The following PCGF5 variants were observed in gnomAD, a reference collection of about 807,000 sequenced individuals.
PCGF5 encodes polycomb group ring finger 5.
PCGF5 carries 9 observed loss-of-function variants against 44.3 expected under a neutral mutation model. The ratio of observed to expected loss-of-function variants is 0.20; its 90% CI spans 0.12 to 0.35. PCGF5 has a LOEUF of 0.35. Ranked by LOEUF, PCGF5 falls within the 10% of genes least tolerant of loss-of-function variation. PCGF5 has a pLI of 1.00. For synonymous variants in PCGF5, 95 were observed against 102.5 expected (o/e 0.93, Z 0.44); for missense variants, 146 against 305.3 (o/e 0.48, Z 3.89).
At chr10:91,211,710 G>A (rs971535151) in intron 1 of PCGF5, among the ~76,000 whole-genome samples, 1 of 152,172 alleles carries the variant, frequency 6.6e-6, no homozygotes, top group Non-Finnish European at 1.5e-5. Flanking sequence ...GAGGAGGAGG[G>A]AGAGCATTCC....
At position 91,282,127 on chromosome 10, in the gene PCGF5, A is replaced by G. The variant is rs1278150446; in HGVS notation, c.*3811A>G. The G allele has an allele frequency of 2.0e-5, 3 of 152,228 alleles. No individual in the cohort carries two copies. The highest frequency in any genetic ancestry group is 2.9e-5 in the Non-Finnish European group (2 of 68,040). The allele number at this position is 152,228 out of a possible 1,614,324, so 9.4% of individuals were successfully genotyped here. ...AAAGACTTCATTCTATGGGATTTAT[A>G]TAAGTAAGTGCTTTCTCTATATTCA... On this transcript the variant is annotated 3_prime_UTR_variant, in exon 10 of 10. Coordinates refer to ENST00000336126, the MANE Select transcript of PCGF5 (RefSeq NM_032373.5).
intron 5 of PCGF5, 142 bp from the exon 6 acceptor site, chr10:91,251,149 AT>A: frequency 1.9e-6 from 1 of 536,376 alleles, no homozygotes; most frequent in South Asian, 3.2e-5. Flanking sequence ...TGGTTGGAAC[AT>A]TTTAAAGATA....
Position 91,261,421 on chromosome 10 carries a change from T to C in PCGF5, c.570T>C (p.Tyr190=), listed in dbSNP as rs985296094. The C allele has an allele frequency of 3.4e-6, 5 of 1,453,638 alleles. No homozygotes were observed. Among genetic ancestry groups the C allele is most frequent in the Non-Finnish European group, 4.6e-6 (5 of 1,084,952 alleles). 90.0% of individuals were successfully genotyped at this position (1,453,638 alleles called of 1,614,324 possible). ...TAAAACTAAAACTTCCAAGTTCTTA[T>C]GAGGTAAGTTAAATAATATCTAAGC... ...LSLKLKLPSS[Y]ELDVLCNGEI... Residue 190 remains tyrosine (Y), a synonymous_variant, in exon 7 of 10, where the codon TAT becomes TAC. Coordinates refer to ENST00000336126, the MANE Select transcript of PCGF5 (RefSeq NM_032373.5).
chr10:91,158,903 A>G (rs769545220), upstream of PCGF5, among the ~76,000 whole-genome samples: 16 of 152,232 alleles, frequency 1.1e-4, no homozygotes, highest in Non-Finnish European at 1.6e-4. Context: ...CTTGTAACCT[A>G]AACAGTTGAC....
At chr10:91,168,580 G>A (rs544182272) in intron 1 of PCGF5, among the ~76,000 whole-genome samples, 42 of 152,198 alleles carry the variant, frequency 2.8e-4, no homozygotes, top group Admixed American at 1.1e-3. Flanking sequence ...TCAGAGACTA[G>A]GGATAGGGAG....
upstream of PCGF5, among the ~76,000 whole-genome samples, chr10:91,160,713 C>T (rs1843368472): frequency 6.6e-6 from 1 of 151,802 alleles, no homozygotes. Context: ...CAAGACGAGA[C>T]AGAAAAAAGA....
upstream of PCGF5, among the ~76,000 whole-genome samples, chr10:91,215,476 C>T (rs1178859466): frequency 1.3e-5 from 2 of 152,222 alleles, no homozygotes; most frequent in Non-Finnish European, 2.9e-5. Flanking sequence ...AAACATACGT[C>T]CTTCTCCTTA....
chr10:91,163,638 C>A (rs981022327), intron 1 of PCGF5, among the ~76,000 whole-genome samples: 4 of 152,110 alleles, frequency 2.6e-5, no homozygotes, highest in Non-Finnish European at 4.4e-5. Context: ...CTCCCGGCTG[C>A]GCGCGTCGCT....
rs12783854 is a variant in PCGF5 at position 91,272,482 on chromosome 10, A to T, written c.723+785A>T. Reference sequence around the variant, plus strand: ...CAATATAGCAAGACAAAAAAAAATTATTTTTTTAGGCCAGACACGGTGGCT... The same window carrying T: ...CAATATAGCAAGACAAAAAAAAATTTTTTTTTTAGGCCAGACACGGTGGCT... On this transcript the variant is annotated intron_variant, in intron 9 of 9. Transcript: ENST00000336126. Among the ~76,000 whole-genome samples, 425 of 117,994 alleles carry T rather than the reference A, an allele frequency of 3.6e-3. 4 individuals are homozygous for T. Among genetic ancestry groups the T allele is most frequent in the African/African-American group, 0.018 (356 of 19,978 alleles). The allele number at this position is 117,994 out of a possible 152,430, so 77.4% of individuals were successfully genotyped here. A position where few individuals can be genotyped will look rare whatever the true frequency, so the allele number is the denominator to read the frequency against.
At chr10:91,253,288 G>A (rs2454532) in intron 6 of PCGF5, among the ~76,000 whole-genome samples, 76,496 of 151,704 alleles carry the variant, frequency 0.5, 21,892 homozygotes, top group African/African-American at 0.79. Context: ...CCAGGTAATA[G>A]GCATAATAGT....
upstream of PCGF5, among the ~76,000 whole-genome samples, chr10:91,159,172 T>C (rs774163135): frequency 5.3e-5 from 8 of 152,180 alleles, no homozygotes; most frequent in Non-Finnish European, 8.8e-5. Context: ...GCAGGGAACA[T>C]ACAATTAGGG....
intron 3 of PCGF5, among the ~76,000 whole-genome samples, chr10:91,242,936 C>G (rs1564646638): frequency 6.6e-6 from 1 of 152,088 alleles, no homozygotes; most frequent in Non-Finnish European, 1.5e-5. Flanking sequence ...TTATAGAGAT[C>G]TTTTCCTCCT....
At position 91,279,523 on chromosome 10, in the gene PCGF5, A is replaced by G. The variant is rs147972947; in HGVS notation, c.*1207A>G. ...AGATCAGAAATACAAAATGTCCTGT[A>G]TTTTGCAGTTTTGTTAAGTCTTCCA... On this transcript the variant is annotated 3_prime_UTR_variant, in exon 10 of 10. Transcript: ENST00000336126. The G allele has an allele frequency of 4.6e-5, 7 of 152,230 alleles. No homozygotes were observed. The highest frequency in any genetic ancestry group is 1.4e-4 in the African/African-American group (6 of 41,588). The allele number at this position is 152,230 out of a possible 1,614,324, so 9.4% of individuals were successfully genotyped here.
At chr10:91,273,707 A>G (rs982123574) in intron 9 of PCGF5, among the ~76,000 whole-genome samples, 3 of 152,124 alleles carry the variant, frequency 2.0e-5, no homozygotes, top group Non-Finnish European at 4.4e-5. Flanking sequence ...CATTCTTAAT[A>G]GCAAAAACTG....
intron 2 of PCGF5, chr10:91,227,344 A>T: frequency 8.9e-7 from 1 of 1,118,994 alleles, no homozygotes; most frequent in South Asian, 1.3e-5. Context: ...TAGCTGCAGA[A>T]TCCTACTGGA....
In PCGF5 at chr10:91,278,617, G is replaced by T. The variant is rs1406235122; in HGVS notation, c.*301G>T. On this transcript the variant is annotated 3_prime_UTR_variant, in exon 10 of 10. Transcript: ENST00000336126. ...ATTCACCCTTCTGAATATTTTGCTT[G>T]CCTGTTCCAAGATTGTTCTAATGTT... is the stretch of plus-strand genomic sequence containing the variant. The T allele has an allele frequency of 2.1e-5, 7 of 340,992 alleles. No homozygotes were observed. The highest frequency in any genetic ancestry group is 3.7e-5 in the Non-Finnish European group (7 of 187,690). 21.1% of individuals were successfully genotyped at this position (340,992 alleles called of 1,614,324 possible).
chr10:91,177,918 A>G (rs575223271), intron 1 of PCGF5, among the ~76,000 whole-genome samples: 1 of 130,812 alleles, frequency 7.6e-6, no homozygotes, highest in Admixed American at 7.0e-5. Flanking sequence ...GCACCCACTG[A>G]CCTGCACCCA....
intron 1 of PCGF5, among the ~76,000 whole-genome samples, chr10:91,207,634 C>T (rs1844371349): frequency 6.6e-6 from 1 of 152,124 alleles, no homozygotes; most frequent in Non-Finnish European, 1.5e-5. Context: ...AATGAAGTCC[C>T]AATTCAGTAA....
intron 5 of PCGF5, among the ~76,000 whole-genome samples, chr10:91,250,596 C>T (rs1311510947): frequency 6.6e-6 from 1 of 150,614 alleles, no homozygotes; most frequent in Non-Finnish European, 1.5e-5. Flanking sequence ...TCCCTCAGGC[C>T]TTGTATGATG....
Sources: allele counts gnomAD v4.1 joint callset (sites outside exome capture counted in the v4.1 genomes callset), GRCh38; gene constraint gnomAD v4.1.1; transcripts MANE v1.5; gene names NCBI Gene and HGNC (gene_info 2026-07-23, HGNC 2026-07-21).